BDP1: variants seen among roughly 807,000 people sequenced by gnomAD.
BDP1 encodes transcription factor TFIIIB component B'' homolog.
BDP1 carries 169 observed loss-of-function variants against 266.6 expected under a neutral mutation model. The ratio of observed to expected loss-of-function variants is 0.63; its 90% CI spans 0.56 to 0.72. The LOEUF is 0.72. Among genes scored for constraint, BDP1 ranks in the 30% least tolerant of loss-of-function variants. BDP1 has a pLI of 0.00. For synonymous variants in BDP1, 1,090 were observed against 1,022.4 expected (o/e 1.07, Z -1.26); for missense variants, 3,015 against 3,053.8 (o/e 0.99, Z 0.30).
intron 2 of BDP1, among the ~76,000 whole-genome samples, chr5:71,461,574 A>C (rs1397050152): frequency 6.6e-6 from 1 of 152,180 alleles, no homozygotes; most frequent in Non-Finnish European, 1.5e-5. Flanking sequence ...TGATTGCGCC[A>C]CTGCACTTTA....
intron 16 of BDP1, among the ~76,000 whole-genome samples, chr5:71,508,764 T>C (rs1764729313): frequency 6.6e-6 from 1 of 152,330 alleles, no homozygotes; most frequent in Admixed American, 6.5e-5. Flanking sequence ...CCATCTATTA[T>C]AATAAACAGA....
At chr5:71,514,289 C>T (rs1561735939) in intron 19 of BDP1, among the ~76,000 whole-genome samples, 2 of 152,204 alleles carry the variant, frequency 1.3e-5, no homozygotes, top group Non-Finnish European at 1.5e-5. Context: ...AACATTTGTA[C>T]TATTTCTCCT....
At chr5:71,537,149 CAA>C (rs70992979) in intron 26 of BDP1, among the ~76,000 whole-genome samples, 1,816 of 82,512 alleles carry the variant, frequency 0.022, 12 homozygotes, top group Middle Eastern at 0.076. Context: ...ACCAAAAAAC[CAA>C]AAAAAAAAAA....
chr5:71,547,601 G>C (rs1742428764), intron 32 of BDP1, among the ~76,000 whole-genome samples: 1 of 152,160 alleles, frequency 6.6e-6, no homozygotes, highest in Non-Finnish European at 1.5e-5. Context: ...AATATCCACT[G>C]ATGATTCCTG....
intron 22 of BDP1, among the ~76,000 whole-genome samples, chr5:71,519,278 C>G (rs1279896329): frequency 7.2e-6 from 1 of 139,860 alleles, no homozygotes; most frequent in Non-Finnish European, 1.6e-5. Context: ...ATCAGAGTAA[C>G]TGGGATATCC....
intron 14 of BDP1, among the ~76,000 whole-genome samples, chr5:71,502,001 C>T (rs1435048262): frequency 6.6e-6 from 1 of 152,036 alleles, no homozygotes; most frequent in Non-Finnish European, 1.5e-5. Flanking sequence ...TGGGCTCTTC[C>T]AGGGGTTACC....
chr5:71,532,552 C>A, intron 26 of BDP1, 125 bp downstream of exon 26: 1 of 887,666 alleles, frequency 1.1e-6, no homozygotes, highest in Non-Finnish European at 1.6e-6. Context: ...TTGTAAGGAG[C>A]TGTTAGTCTG....
Position 71,522,842 on chromosome 5 carries a change from T to C in BDP1, c.5280T>C (p.Asp1760=), listed in dbSNP as rs1765578088. ...GSKESALAKI[D]AELEEVGPSR... is the part of the protein sequence containing the mutation. ...AAGAGTCTGCTTTGGCAAAAATAGATGCGGAATTAGAAGAAGTTGGACCAT... is the reference window on the plus strand; with the variant it reads ...AAGAGTCTGCTTTGGCAAAAATAGACGCGGAATTAGAAGAAGTTGGACCAT... Residue 1760 remains aspartate, a synonymous_variant, in exon 24 of 39, where the codon GAT becomes GAC. Coordinates refer to ENST00000358731, the MANE Select transcript of BDP1 (RefSeq NM_018429.3). 1 of 1,613,870 alleles carries C rather than the reference T, an allele frequency of 6.2e-7. No homozygotes were observed. Among genetic ancestry groups the C allele is most frequent in the Non-Finnish European group, 8.5e-7 (1 of 1,179,902 alleles).
chr5:71,513,755 C>G (rs2646639), intron 19 of BDP1, among the ~76,000 whole-genome samples: 61,311 of 151,798 alleles, frequency 0.4, 12,909 homozygotes, highest in South Asian at 0.47. Flanking sequence ...AAGTCTCACT[C>G]TGTTCCCAGG....
Position 71,486,481 on chromosome 5 carries a change from C to T in BDP1, c.1070-3C>T. 1 of 1,535,930 alleles carries T rather than the reference C, an allele frequency of 6.5e-7. No individual in the cohort carries two copies. ...GAAAGTTCTTTTCCTTTTCTTTAAA[C>T]AGAGGAAAAGCGCCCTTTTGACTTC... On this transcript the variant is annotated splice_polypyrimidine_tract_variant and splice_region_variant and intron_variant, in intron 8 of 38. Coordinates refer to ENST00000358731, the MANE Select transcript of BDP1 (RefSeq NM_018429.3).
intron 15 of BDP1, among the ~76,000 whole-genome samples, chr5:71,503,113 T>C (rs1293451239): frequency 6.6e-6 from 1 of 152,028 alleles, no homozygotes; most frequent in Non-Finnish European, 1.5e-5. Context: ...TTTGTATTTT[T>C]AGTTGTGCGA....
Position 71,470,833 on chromosome 5 carries a change from C to T in BDP1, c.1014+344C>T, listed in dbSNP as rs186317980. ...TCGAACTCTTGAGCTCAGGTTAATC[C>T]CCCCATCTTGGCCTCCCAAAGTGTT... On this transcript the variant is annotated intron_variant, in intron 7 of 38. Transcript: ENST00000358731. Among the ~76,000 whole-genome samples, 453 of 151,606 alleles carry T rather than the reference C, an allele frequency of 3.0e-3. 5 individuals are homozygous for T. The highest frequency in any genetic ancestry group is 0.01 in the African/African-American group (434 of 41,362).
Position 71,566,451 on chromosome 5 carries a change from T to A in BDP1, c.*1566T>A, listed in dbSNP as rs1744039696. The A allele has an allele frequency of 1.3e-5, 2 of 152,228 alleles. No individual in the cohort carries two copies. Among genetic ancestry groups the A allele is most frequent in the African/African-American group, 4.8e-5 (2 of 41,464 alleles). The allele number at this position is 152,228 out of a possible 1,614,324, so 9.4% of individuals were successfully genotyped here. On this transcript the variant is annotated 3_prime_UTR_variant, in exon 39 of 39. Transcript: ENST00000358731. ...TTTTTATACGTGTAATTCTATTATC[T>A]ACCCAAGCAGATCTGTAGTGGTTCC...
intron 26 of BDP1, among the ~76,000 whole-genome samples, chr5:71,538,648 A>C (rs1766779821): frequency 2.0e-5 from 3 of 152,202 alleles, no homozygotes; most frequent in African/African-American, 7.2e-5. Context: ...TTTAAGTTTT[A>C]AGCTACGTAG....
rs377599570 is a variant in BDP1 at position 71,506,823 on chromosome 5, A to ACACCCCCC, written c.2372+2073_2372+2074insACCCCCCC. On this transcript the variant is annotated intron_variant, in intron 16 of 38. Transcript: ENST00000358731. ...CACACACACACACACACACACACAC[A>ACACCCCCC]CCCATATTTTTTTAAAGACAAGGGT... Among the ~76,000 whole-genome samples the ACACCCCCC allele has an allele frequency of 4.2e-5, 6 of 141,804 alleles. No individual in the cohort carries two copies. The East Asian group carries it at 8.3e-4, about 20-fold the overall frequency. 93.0% of individuals were successfully genotyped at this position (141,804 alleles called of 152,430 possible).
chr5:71,489,713 A>AT (rs1561700108), intron 10 of BDP1, 31 bp downstream of exon 10: 1 of 1,556,964 alleles, frequency 6.4e-7, no homozygotes. Flanking sequence ...AAAAGCCTCT[A>AT]TATTACTTGA....
At chr5:71,464,896 T>C (rs1761809173) in intron 4 of BDP1, among the ~76,000 whole-genome samples, 1 of 151,752 alleles carries the variant, frequency 6.6e-6, no homozygotes, top group South Asian at 2.1e-4. Context: ...TTTTTGTATT[T>C]TTAGTAGAGA....
chr5:71,514,794 A>T lies in BDP1; in HGVS notation c.4471-150A>T, dbSNP rs940887780. On this transcript the variant is annotated intron_variant, in intron 19 of 38. Coordinates refer to ENST00000358731, the MANE Select transcript of BDP1 (RefSeq NM_018429.3). The stretch of plus-strand genomic sequence containing the variant: ...TACTTGTTGAGTATTTATAAGATAC[A>T]TTTCTAGAAGTGGAATTGCTGGGAA... 7 of 508,756 alleles carry T rather than the reference A, an allele frequency of 1.4e-5. No homozygotes were observed. The African/African-American group carries it at 1.4e-4, about 10-fold the overall frequency. The allele number at this position is 508,756 out of a possible 1,614,324, so 31.5% of individuals were successfully genotyped here. A position where few individuals can be genotyped will look rare whatever the true frequency, so the allele number is the denominator to read the frequency against.
chr5:71,455,826 T>A lies in BDP1; in HGVS notation c.-52T>A. ...CCCCTTTCCGGGCAGCCGCCGGGGC[T>A]CGGGGCTGTGAGCGGCCGTGAGGCT... On this transcript the variant is annotated 5_prime_UTR_variant, in exon 1 of 39. Coordinates refer to ENST00000358731, the MANE Select transcript of BDP1 (RefSeq NM_018429.3). The A allele has an allele frequency of 1.3e-6, 2 of 1,491,886 alleles. No homozygotes were observed. The highest frequency in any genetic ancestry group is 4.3e-5 in the Admixed American group (2 of 46,702). 92.4% of individuals were successfully genotyped at this position (1,491,886 alleles called of 1,614,324 possible).
Sources: allele counts gnomAD v4.1 joint callset (sites outside exome capture counted in the v4.1 genomes callset), GRCh38; gene constraint gnomAD v4.1.1; transcripts MANE v1.5; gene names NCBI Gene and HGNC (gene_info 2026-07-23, HGNC 2026-07-21).